Variants in NBEA observed in about 807,000 individuals in gnomAD.
The protein encoded by NBEA is neurobeachin.
Under a neutral mutation model 343.4 loss-of-function variants are expected in NBEA, and 44 were observed. That is an observed-to-expected ratio of 0.13 (90% CI 0.10 to 0.16). The LOEUF (loss-of-function observed/expected upper bound fraction) is 0.16, where lower values mean the gene tolerates loss of function less well. NBEA is among the 10% of genes least tolerant of loss of function. The probability of loss-of-function intolerance (pLI) is 1.00; values close to 1 mark genes in which losing one functional copy is unlikely to be tolerated. For missense variants in NBEA, 2,555 were observed against 3,631.3 expected, an observed-to-expected ratio of 0.70 and a Z score of 7.62; for synonymous variants, 1,175 against 1,238.7, an observed-to-expected ratio of 0.95 and a Z score of 1.08.
intron 38 of NBEA, among the ~76,000 whole-genome samples, chr13:35,404,281 T>C (rs376020258): frequency 4.0e-4 from 61 of 152,044 alleles, no homozygotes; most frequent in African/African-American, 1.4e-3. Flanking sequence ...ATAAATCATG[T>C]TGCTATAAAG....
intron 39 of NBEA, among the ~76,000 whole-genome samples, chr13:35,445,383 G>T (rs1230252602): frequency 6.6e-6 from 1 of 151,736 alleles, no homozygotes; most frequent in Non-Finnish European, 1.5e-5. Context: ...CATTTCCATT[G>T]TCTCATTTTA....
At chr13:35,639,766 G>C (rs1467465139) in intron 49 of NBEA, among the ~76,000 whole-genome samples, 1 of 151,834 alleles carries the variant, frequency 6.6e-6, no homozygotes, top group East Asian at 1.9e-4. Flanking sequence ...TTGCATTGTG[G>C]GTACCATAAC....
At chr13:35,115,334 A>G (rs1462702108) in intron 13 of NBEA, among the ~76,000 whole-genome samples, 1 of 152,022 alleles carries the variant, frequency 6.6e-6, no homozygotes, top group Middle Eastern at 3.2e-3. Flanking sequence ...AACAAGTTAT[A>G]ATTATAAATA....
intron 41 of NBEA, among the ~76,000 whole-genome samples, chr13:35,517,017 C>T (rs1482200510): frequency 1.3e-5 from 2 of 152,142 alleles, no homozygotes; most frequent in Non-Finnish European, 2.9e-5. Context: ...CTTGTCTATC[C>T]TATATCTTAA....
chr13:35,292,566 C>G (rs2035870370), intron 35 of NBEA, among the ~76,000 whole-genome samples: 1 of 151,956 alleles, frequency 6.6e-6, no homozygotes, highest in Non-Finnish European at 1.5e-5. Context: ...CCTGATGAAT[C>G]TTGAAAGCTG....
chr13:35,317,632 T>C (rs2037833254), intron 36 of NBEA, among the ~76,000 whole-genome samples: 1 of 152,216 alleles, frequency 6.6e-6, no homozygotes. Context: ...TTTTTTCTAA[T>C]TATGTGAAGA....
At chr13:35,134,454 G>A (rs1222451519) in intron 17 of NBEA, among the ~76,000 whole-genome samples, 1 of 151,484 alleles carries the variant, frequency 6.6e-6, no homozygotes, top group African/African-American at 2.4e-5. Context: ...ACCATAATGT[G>A]ATAAAATTGG....
rs140952747 is a variant in NBEA, at chr13:34,950,978, C to G, written c.294+7864C>G. Among the ~76,000 whole-genome samples the G allele has an allele frequency of 7.4e-3, 1,126 of 152,128 alleles. 13 individuals are homozygous for G. The highest frequency in any genetic ancestry group is 0.026 in the African/African-American group (1,065 of 41,508). On this transcript the variant is annotated intron_variant, in intron 1 of 58. Transcript: ENST00000379939. ...CCAGCCTGGGTGATGGAGTAAGATC[C>G]TGTCTCACAAAAAAAGAAATGATGA...
intron 47 of NBEA, among the ~76,000 whole-genome samples, chr13:35,600,454 C>T (rs1263264981): frequency 3.9e-5 from 6 of 152,136 alleles, no homozygotes; most frequent in Non-Finnish European, 5.9e-5. Context: ...ACACAATCCA[C>T]AGTGACAGAA....
chr13:35,651,929 T>C lies in NBEA; in HGVS notation c.8035+53T>C. 4 of 980,310 alleles carry C rather than the reference T, an allele frequency of 4.1e-6. No individual in the cohort carries two copies. In the South Asian group the frequency reaches 5.9e-5, roughly 15 times the overall value. 60.7% of individuals were successfully genotyped at this position (980,310 alleles called of 1,614,324 possible). ...CATGGATACTATCCATATATTCATATATAGTTATTTTTCATAAGATAGTTG... is the reference window on the plus strand; with the variant it reads ...CATGGATACTATCCATATATTCATACATAGTTATTTTTCATAAGATAGTTG... On this transcript the variant is annotated intron_variant, in intron 53 of 58. Coordinates refer to ENST00000379939, the MANE Select transcript of NBEA (RefSeq NM_001385012.1).
intron 41 of NBEA, among the ~76,000 whole-genome samples, chr13:35,542,509 G>A (rs1046321733): frequency 1.3e-5 from 2 of 152,026 alleles, no homozygotes; most frequent in African/African-American, 4.8e-5. Context: ...TTATTTTGAT[G>A]ATAGTATTCA....
intron 35 of NBEA, among the ~76,000 whole-genome samples, chr13:35,303,589 AAGT>A (rs924015657): frequency 5.9e-5 from 9 of 152,176 alleles, no homozygotes; most frequent in African/African-American, 2.2e-4. Context: ...ATACATAAAC[AAGT>A]ACAGGAAAAC....
At chr13:35,038,727 G>A (rs1358164029) in intron 1 of NBEA, among the ~76,000 whole-genome samples, 1 of 151,704 alleles carries the variant, frequency 6.6e-6, no homozygotes, top group African/African-American at 2.4e-5. Flanking sequence ...GGCAGAACTG[G>A]TAAACAAGAT....
chr13:35,585,404 G>A (rs1218360187), intron 46 of NBEA, among the ~76,000 whole-genome samples: 2 of 118,912 alleles, frequency 1.7e-5, no homozygotes, highest in East Asian at 2.5e-4. Context: ...AGCATTTCAC[G>A]CTATTGCTAA....
At chr13:35,108,665 G>A (rs2066037629) in intron 11 of NBEA, among the ~76,000 whole-genome samples, 1 of 151,970 alleles carries the variant, frequency 6.6e-6, no homozygotes, top group South Asian at 2.1e-4. Context: ...AGGGCTTCTG[G>A]CTACTGTATG....
intron 21 of NBEA, 29 bp downstream of exon 21, chr13:35,157,299 A>G (rs746634267): frequency 6.8e-7 from 1 of 1,473,890 alleles, no homozygotes; most frequent in Non-Finnish European, 9.1e-7. Context: ...TTTTAACATC[A>G]TCAGAGTTAT....
chr13:35,361,933 C>T (rs183071611), intron 38 of NBEA, among the ~76,000 whole-genome samples: 60 of 152,016 alleles, frequency 3.9e-4, no homozygotes, highest in African/African-American at 1.4e-3. Flanking sequence ...GAGAGCTTTT[C>T]AGGATGATGG....
chr13:35,220,244 A>G (rs949552836), intron 33 of NBEA, among the ~76,000 whole-genome samples: 3 of 152,166 alleles, frequency 2.0e-5, no homozygotes, highest in Admixed American at 6.6e-5. Flanking sequence ...GCAAGAAAGT[A>G]TACTTATTTT....
At chr13:35,473,049 A>G (rs1310450093) in intron 41 of NBEA, among the ~76,000 whole-genome samples, 1 of 152,212 alleles carries the variant, frequency 6.6e-6, no homozygotes, top group Non-Finnish European at 1.5e-5. Context: ...GAGAAAAGCA[A>G]CTGATTCTCT....
Sources: allele counts gnomAD v4.1 joint callset (sites outside exome capture counted in the v4.1 genomes callset), GRCh38; gene constraint gnomAD v4.1.1; transcripts MANE v1.5; gene names NCBI Gene and HGNC (gene_info 2026-07-23, HGNC 2026-07-21).